The following EHBP1 variants were observed in gnomAD, a reference collection of about 807,000 sequenced individuals.
EHBP1 encodes the protein EH domain-binding protein 1.
In EHBP1, 55 loss-of-function variants were observed where a neutral mutation model predicts 144.0. The observed-to-expected ratio is 0.38, with a 90% CI of 0.31 to 0.48. The LOEUF is 0.48. Among genes scored for constraint, EHBP1 ranks in the 20% least tolerant of loss-of-function variants. The pLI, the probability that EHBP1 is intolerant of heterozygous loss-of-function variation, is 0.98. For synonymous variants in EHBP1, 469 were observed against 472.7 expected, an observed-to-expected ratio of 0.99 and a Z score of 0.10; for missense variants, 1,200 against 1,364.2, an observed-to-expected ratio of 0.88 and a Z score of 1.90.
chr2:62,931,743 G>T (rs961603608), intron 10 of EHBP1, among the ~76,000 whole-genome samples: 5 of 152,182 alleles, frequency 3.3e-5, no homozygotes, highest in African/African-American at 1.2e-4. Context: ...CTTGTCCAAT[G>T]TATCCATGCT....
intron 2 of EHBP1, among the ~76,000 whole-genome samples, chr2:62,729,783 A>G (rs895440810): frequency 1.3e-5 from 2 of 151,684 alleles, no homozygotes; most frequent in African/African-American, 4.8e-5. Context: ...ATTCCTCTCC[A>G]TAAGGGTTTT....
chr2:62,842,682 A>G (rs975882051), intron 7 of EHBP1, among the ~76,000 whole-genome samples: 2 of 152,192 alleles, frequency 1.3e-5, no homozygotes, highest in Non-Finnish European at 2.9e-5. Flanking sequence ...CTGAGTTTTT[A>G]TAATTCCAGT....
At position 62,709,097 on chromosome 2, in the gene EHBP1, G is replaced by A. The variant is rs545715146; in HGVS notation, c.104+1802G>A. ...ACAACAGTGTAGACTGAGGATCATA[G>A]TAAAAAGGTGACTGGAAGCAGCAAT... is the stretch of plus-strand genomic sequence containing the variant. On this transcript the variant is annotated intron_variant, in intron 2 of 22. Transcript: ENST00000431489. 6.6e-5 allele frequency among the ~76,000 whole-genome samples: 10 copies of A among 152,270 alleles called. No individual in the cohort carries two copies. The South Asian group carries it at 2.1e-3, about 32-fold the overall frequency.
chr2:62,809,292 G>GAAAAAA (rs985494969), intron 5 of EHBP1, among the ~76,000 whole-genome samples: 7 of 46,560 alleles, frequency 1.5e-4, no homozygotes, highest in Non-Finnish European at 1.8e-4. Flanking sequence ...CTATGTCTCA[G>GAAAAAA]AAAAAAAAAA....
At chr2:62,786,231 C>T (rs968291025) in intron 5 of EHBP1, among the ~76,000 whole-genome samples, 1 of 151,962 alleles carries the variant, frequency 6.6e-6, no homozygotes, top group Non-Finnish European at 1.5e-5. Context: ...TGAGATGGAC[C>T]CTGGCATTTC....
intron 19 of EHBP1, among the ~76,000 whole-genome samples, chr2:63,015,876 G>T (rs2060466755): frequency 6.6e-6 from 1 of 152,092 alleles, no homozygotes. Context: ...GGTTATTAAA[G>T]TTGAATACCC....
chr2:62,960,292 A>T (rs755034150), intron 14 of EHBP1, among the ~76,000 whole-genome samples: 4 of 151,978 alleles, frequency 2.6e-5, no homozygotes, highest in Non-Finnish European at 5.9e-5. Flanking sequence ...TTCATTCTAC[A>T]GTCCAGTTAT....
At chr2:62,862,335 A>G (rs753064155) in intron 8 of EHBP1, among the ~76,000 whole-genome samples, 2 of 152,236 alleles carry the variant, frequency 1.3e-5, no homozygotes, top group Non-Finnish European at 2.9e-5. Flanking sequence ...TTGGCCGGGC[A>G]TGGTGGCTCA....
intron 7 of EHBP1, among the ~76,000 whole-genome samples, chr2:62,837,487 C>A (rs2047375398): frequency 6.6e-6 from 1 of 151,700 alleles, no homozygotes; most frequent in Admixed American, 6.6e-5. Flanking sequence ...TCACACATAA[C>A]AATATTAACT....
intron 2 of EHBP1, among the ~76,000 whole-genome samples, chr2:62,745,163 A>C (rs1171889551): frequency 6.6e-6 from 1 of 152,106 alleles, no homozygotes; most frequent in African/African-American, 2.4e-5. Flanking sequence ...AGGTTTATTC[A>C]GTGCCGCATA....
rs1204591915 is a variant in EHBP1, at chr2:62,859,184, T to A, written c.650T>A (p.Leu217His). The change falls in exon 8 of 23, where the codon CTT (leucine) becomes CAT (histidine). Residue 217 changes from leucine to histidine, a missense_variant. Physicochemically the swap from Leu to His is moderately conservative, Grantham distance 99. Transcript: ENST00000431489. Reference sequence around the variant, plus strand: ...TTATTTTCAGAGCTTATCAACAAACTTAACTTTTTGGATGAAGCAGAAAAG... The same window carrying A: ...TTATTTTCAGAGCTTATCAACAAACATAACTTTTTGGATGAAGCAGAAAAG... ...AAKITELINK[L>H]NFLDEAEKDL... 1 of 1,611,974 alleles carries A rather than the reference T, an allele frequency of 6.2e-7. No individual in the cohort carries two copies. Among genetic ancestry groups the A allele is most frequent in the Non-Finnish European group, 8.5e-7 (1 of 1,178,688 alleles).
chr2:62,911,206 AC>A (rs1251679374), intron 10 of EHBP1, among the ~76,000 whole-genome samples: 1 of 152,064 alleles, frequency 6.6e-6, no homozygotes, highest in Non-Finnish European at 1.5e-5. Context: ...AACTTATTTA[AC>A]CTCTCTCTCC....
intron 19 of EHBP1, among the ~76,000 whole-genome samples, chr2:62,997,249 G>T (rs1372479626): frequency 6.6e-6 from 1 of 152,020 alleles, no homozygotes; most frequent in Non-Finnish European, 1.5e-5. Context: ...GTTTTTAAAA[G>T]TCTGTAATAC....
intron 1 of EHBP1, among the ~76,000 whole-genome samples, chr2:62,687,210 A>G (rs941844845): frequency 6.6e-6 from 1 of 152,240 alleles, no homozygotes; most frequent in Non-Finnish European, 1.5e-5. Context: ...CTGTCTTTCT[A>G]TGATCATTTC....
chr2:62,876,128 A>G (rs537014277), intron 10 of EHBP1, among the ~76,000 whole-genome samples: 4 of 152,326 alleles, frequency 2.6e-5, no homozygotes, highest in Admixed American at 2.0e-4. Context: ...CAGGAAATTC[A>G]AAGAACCCCT....
intron 14 of EHBP1, among the ~76,000 whole-genome samples, chr2:62,976,228 C>T (rs1233140522): frequency 6.6e-6 from 1 of 152,038 alleles, no homozygotes; most frequent in Admixed American, 6.5e-5. Flanking sequence ...AATTGGTTCT[C>T]TACTGGGAGC....
chr2:62,685,394 T>C (rs2033684576), intron 1 of EHBP1, among the ~76,000 whole-genome samples: 1 of 152,176 alleles, frequency 6.6e-6, no homozygotes, highest in Non-Finnish European at 1.5e-5. Context: ...AGGGAGAGTC[T>C]GTTTCATGCC....
At chr2:62,875,047 G>A (rs1265054879) in intron 10 of EHBP1, among the ~76,000 whole-genome samples, 4 of 151,858 alleles carry the variant, frequency 2.6e-5, no homozygotes, top group Admixed American at 2.6e-4. Context: ...GTAAGCATAT[G>A]CACACAGACC....
At chr2:62,960,824 G>A (rs184192534) in intron 14 of EHBP1, among the ~76,000 whole-genome samples, 1 of 152,316 alleles carries the variant, frequency 6.6e-6, no homozygotes, top group South Asian at 2.1e-4. Flanking sequence ...TCTGAAGTCA[G>A]TTACAGATAA....
Sources: allele counts gnomAD v4.1 joint callset (sites outside exome capture counted in the v4.1 genomes callset), GRCh38; gene constraint gnomAD v4.1.1; transcripts MANE v1.5; gene names NCBI Gene and HGNC (gene_info 2026-07-23, HGNC 2026-07-21).